Variants in NSD1 observed in about 807,000 individuals in gnomAD.
NSD1 encodes nuclear receptor binding SET domain protein 1.
In NSD1, 26 loss-of-function variants were observed where a neutral mutation model predicts 242.7. The ratio of observed to expected loss-of-function variants is 0.11; its 90% CI spans 0.08 to 0.15. NSD1 has a LOEUF of 0.15. NSD1 is among the 10% of genes least tolerant of loss of function. The pLI, the probability that NSD1 is intolerant of heterozygous loss-of-function variation, is 1.00. For synonymous variants in NSD1, 1,106 were observed against 1,178.1 expected, an observed-to-expected ratio of 0.94 and a Z score of 1.25; for missense variants, 2,495 against 3,272.8, an observed-to-expected ratio of 0.76 and a Z score of 5.80.
intron 9 of NSD1, among the ~76,000 whole-genome samples, chr5:177,246,275 T>C (rs1012988311): frequency 6.6e-6 from 1 of 152,210 alleles, no homozygotes; most frequent in East Asian, 1.9e-4. Flanking sequence ...CAGTCCTTAA[T>C]CTTTAAATCA....
intron 20 of NSD1, among the ~76,000 whole-genome samples, chr5:177,285,343 C>CA (rs2127265371): frequency 6.6e-6 from 1 of 152,036 alleles, no homozygotes; most frequent in South Asian, 2.1e-4. Context: ...ACGGGCAGAT[C>CA]ACGAGGTCAG....
chr5:177,199,208 G>A (rs1192224768), intron 3 of NSD1, among the ~76,000 whole-genome samples: 1 of 152,218 alleles, frequency 6.6e-6, no homozygotes, highest in Non-Finnish European at 1.5e-5. Flanking sequence ...ACCAATGTAA[G>A]TGTTCTGAGC....
chr5:177,148,937 G>C (rs759757355), intron 2 of NSD1, among the ~76,000 whole-genome samples: 1 of 152,134 alleles, frequency 6.6e-6, no homozygotes, highest in Non-Finnish European at 1.5e-5. Context: ...TCCTGCATCA[G>C]CCTCCCAAGT....
Position 177,295,526 on chromosome 5 carries a change from T to C in NSD1, c.*67T>C, listed in dbSNP as rs1367940054. The C allele has an allele frequency of 6.0e-6, 9 of 1,498,272 alleles. No individual in the cohort carries two copies. Among genetic ancestry groups the C allele is most frequent in the East Asian group, 4.7e-5 (2 of 42,432 alleles). The allele number at this position is 1,498,272 out of a possible 1,614,324, so 92.8% of individuals were successfully genotyped here. On this transcript the variant is annotated 3_prime_UTR_variant, in exon 23 of 23. Coordinates refer to ENST00000439151, the MANE Select transcript of NSD1 (RefSeq NM_022455.5). This position sits in a 1 kb window ranked among gnomAD's most constrained non-coding sequence, Gnocchi z 4.3. ...TACCATTTGGGGAGGGGAAATCTTT[T>C]CTTTCTTTCCCCCTTAAAAAAAAAC...
intron 2 of NSD1, among the ~76,000 whole-genome samples, chr5:177,159,416 A>G (rs927325066): frequency 6.6e-6 from 1 of 150,806 alleles, no homozygotes; most frequent in African/African-American, 2.4e-5. Flanking sequence ...CCAAGTAGCT[A>G]GGATTACAGG....
At chr5:177,157,397 G>C (rs367547875) in intron 2 of NSD1, among the ~76,000 whole-genome samples, 8 of 151,606 alleles carry the variant, frequency 5.3e-5, no homozygotes, top group South Asian at 2.1e-4. Context: ...ATTCACATAA[G>C]ATAAAATTCA....
Position 177,211,175 on chromosome 5 carries a change from C to T in NSD1, c.2776C>T (p.Arg926Trp), listed in dbSNP as rs886038674. ...GCATGATAGTAAGACGAAGGAGCAG[C>T]GGTTGATGACTGCTCAAAACCTGGT... Reference protein sequence around the residue: ...DMHDSKTKEQRLMTAQNLVSY... With the variant: ...DMHDSKTKEQWLMTAQNLVSY... The change falls in exon 5 of 23, where the codon CGG (arginine) becomes TGG (tryptophan). Residue 926 changes from arginine (R) to tryptophan (W), a missense_variant. Around this residue, in one of 19 missense-constraint regions of NSD1, gnomAD observed 121 missense variants for 167.2 expected, o/e 0.72. Transcript: ENST00000439151. 6.2e-6 allele frequency: 10 copies of T among 1,613,048 alleles called. No homozygotes were observed. Among genetic ancestry groups the T allele is most frequent in the Admixed American group, 1.7e-5 (1 of 59,914 alleles).
chr5:177,271,380 C>G (rs1288598991), intron 16 of NSD1, among the ~76,000 whole-genome samples: 2 of 152,094 alleles, frequency 1.3e-5, no homozygotes, highest in Admixed American at 6.6e-5. Context: ...TTATTTTCTG[C>G]TTTAAGTGCT....
intron 14 of NSD1, chr5:177,265,105 AAAAG>A (rs1396900139): frequency 8.0e-6 from 6 of 751,868 alleles, no homozygotes; most frequent in Non-Finnish European, 1.2e-5. Context: ...AATGATCAGA[AAAAG>A]AAGCCAAAGA....
chr5:177,244,864 G>A (rs1477076253), intron 9 of NSD1, among the ~76,000 whole-genome samples: 1 of 152,174 alleles, frequency 6.6e-6, no homozygotes, highest in East Asian at 1.9e-4. Flanking sequence ...TGTGACAATT[G>A]TAATCCCATA....
At chr5:177,285,964 C>T (rs1272789663) in intron 20 of NSD1, among the ~76,000 whole-genome samples, 4 of 152,074 alleles carry the variant, frequency 2.6e-5, no homozygotes, top group African/African-American at 9.7e-5. Context: ...GGCATGATCT[C>T]GGCTCACTGC....
rs1193197607 is a variant in NSD1 at position 177,288,689 on chromosome 5, A to C, written c.6152-130A>C. 4.3e-6 allele frequency: 3 copies of C among 702,464 alleles called. No homozygotes were observed. In the East Asian group the frequency reaches 8.3e-5, roughly 19 times the overall value. 43.5% of individuals were successfully genotyped at this position (702,464 alleles called of 1,614,324 possible). ...ATGTTATAAGATTAGAATTAATTAAAATATAGGATTAGAGCTAAATTCTTT... is the reference window on the plus strand; with the variant it reads ...ATGTTATAAGATTAGAATTAATTAACATATAGGATTAGAGCTAAATTCTTT... On this transcript the variant is annotated intron_variant, in intron 20 of 22. Transcript: ENST00000439151.
Position 177,283,600 on chromosome 5 carries a change from A to G in NSD1, c.6010-187A>G, listed in dbSNP as rs2127262470. Among the ~76,000 whole-genome samples the G allele has an allele frequency of 2.6e-5, 4 of 152,330 alleles. 1 individual carries two copies. The Middle Eastern group carries it at 0.014, about 518-fold the overall frequency. ...AACCCAGGAATTTGCATGTCTAACA[A>G]ATTGCCAAATGGTGATGGTGCTGGT... On this transcript the variant is annotated intron_variant, in intron 19 of 22. Coordinates refer to ENST00000439151, the MANE Select transcript of NSD1 (RefSeq NM_022455.5).
At chr5:177,148,764 C>A (rs1358996002) in intron 2 of NSD1, among the ~76,000 whole-genome samples, 1 of 152,120 alleles carries the variant, frequency 6.6e-6, no homozygotes, top group Non-Finnish European at 1.5e-5. Flanking sequence ...AGCTGTTTTC[C>A]CTAGTGTCTG....
chr5:177,240,365 G>A (rs1765758069), intron 8 of NSD1, among the ~76,000 whole-genome samples: 1 of 151,836 alleles, frequency 6.6e-6, no homozygotes, highest in South Asian at 2.1e-4. Flanking sequence ...GTAGAGACTG[G>A]GTATCAATTT....
intron 5 of NSD1, among the ~76,000 whole-genome samples, chr5:177,219,275 T>G (rs867524494): frequency 6.6e-6 from 1 of 151,666 alleles, no homozygotes; most frequent in African/African-American, 2.4e-5. Context: ...AAGCTCCACC[T>G]CCCGGGTTCA....
At chr5:177,235,636 C>G (rs1765383549) in intron 5 of NSD1, among the ~76,000 whole-genome samples, 185 bp from the exon 6 acceptor site, 1 of 151,992 alleles carries the variant, frequency 6.6e-6, no homozygotes, top group Admixed American at 6.6e-5. Flanking sequence ...CTTTTGTCTC[C>G]CCCCAGCTCC....
chr5:177,158,538 A>C (rs1758394209), intron 2 of NSD1, among the ~76,000 whole-genome samples: 1 of 151,878 alleles, frequency 6.6e-6, no homozygotes. Flanking sequence ...GGGTTTCACC[A>C]CATTGGCCAG....
chr5:177,169,393 G>C (rs915516411), intron 2 of NSD1: 1 of 155,870 alleles, frequency 6.4e-6, no homozygotes, highest in African/African-American at 2.4e-5. Context: ...AACGACCGTA[G>C]AATGGTCGAC....
Sources: allele counts gnomAD v4.1 joint callset (sites outside exome capture counted in the v4.1 genomes callset), GRCh38; gene constraint gnomAD v4.1.1; regional missense constraint gnomAD v4.1.1; non-coding constraint Gnocchi (gnomAD v3.1); transcripts MANE v1.5; gene names NCBI Gene and HGNC (gene_info 2026-07-23, HGNC 2026-07-21).